RPS6KB2: variants seen among roughly 807,000 people sequenced by gnomAD.
The protein encoded by RPS6KB2 is ribosomal protein S6 kinase B2.
A neutral mutation model predicts 58.2 loss-of-function variants in RPS6KB2; 51 were observed. The observed-to-expected ratio is 0.88, with a 90% CI of 0.70 to 1.11. The LOEUF (loss-of-function observed/expected upper bound fraction) is 1.11, where lower values mean the gene tolerates loss of function less well. RPS6KB2 is among the 50% of genes least tolerant of loss of function. The probability of loss-of-function intolerance (pLI) is 0.00; values close to 1 mark genes in which losing one functional copy is unlikely to be tolerated. For missense variants in RPS6KB2, 671 were observed against 655.8 expected, an observed-to-expected ratio of 1.02 and a Z score of -0.25; for synonymous variants, 293 against 258.6, an observed-to-expected ratio of 1.13 and a Z score of -1.28.
chr11:67,429,275 G>T (rs1364956770), intron 3 of RPS6KB2, 35 bp downstream of exon 3: 11 of 1,609,290 alleles, frequency 6.8e-6, no homozygotes, highest in Non-Finnish European at 8.5e-6. Context: ...TGGCCTCACA[G>T]CCTCCATCTG....
Position 67,433,439 on chromosome 11 carries a change from G to C in RPS6KB2, c.898G>C (p.Val300Leu). Residue 300 changes from valine to leucine, a missense_variant, in exon 10 of 15, where the codon GTC becomes CTC. Coordinates refer to ENST00000312629, the MANE Select transcript of RPS6KB2 (RefSeq NM_003952.3). ...CCTCACCCCAGATGCCCGGGACCTT[G>C]TCAAAAAGGTGCAGCTCCCTTCTCT... ...PYLTPDARDL[V>L]KKFLKRNPSQ... 4 of 1,610,312 alleles carry C rather than the reference G, an allele frequency of 2.5e-6. No homozygotes were observed. Among genetic ancestry groups the C allele is most frequent in the Non-Finnish European group, 3.4e-6 (4 of 1,176,690 alleles).
At chr11:67,432,928 C>G (rs369162339) in intron 7 of RPS6KB2, 24 bp from the exon 8 acceptor site, 1 of 1,612,030 alleles carries the variant, frequency 6.2e-7, no homozygotes, top group Non-Finnish European at 8.5e-7. Flanking sequence ...GCCCTGGTCA[C>G]GCCTCTCCAA....
At chr11:67,429,644 C>T in intron 4 of RPS6KB2, 49 bp downstream of exon 4, 6 of 1,422,628 alleles carry the variant, frequency 4.2e-6, no homozygotes, top group Non-Finnish European at 5.9e-6. Flanking sequence ...CCATTCCCAA[C>T]ATGCTGTACC....
chr11:67,431,348 A>G lies in RPS6KB2; in HGVS notation c.310-20A>G, dbSNP rs376691226. ...CCCAGCCTGGATGCCTCAGTTTCTA[A>G]CCAATTCCTGTATCTCCAGGCCAAA... On this transcript the variant is annotated intron_variant, in intron 4 of 14. Coordinates refer to ENST00000312629, the MANE Select transcript of RPS6KB2 (RefSeq NM_003952.3). 3 of 1,611,780 alleles carry G rather than the reference A, an allele frequency of 1.9e-6. No homozygotes were observed. The highest frequency in any genetic ancestry group is 1.3e-5 in the African/African-American group (1 of 74,850).
Position 67,435,013 on chromosome 11 carries a change from G to A in RPS6KB2, c.1293G>A (p.Glu431=). The change falls in exon 15 of 15, where the codon GAG becomes GAA. Residue 431 remains glutamate, a synonymous_variant. Transcript: ENST00000312629. ...PVSPLKFSPF[E]GFRPSPSLPE... is the part of the protein sequence containing the mutation. ...GCCCCCTCAAGTTCTCCCCTTTTGAGGGGTTTCGGCCCAGCCCCAGCCTGC... is the reference window on the plus strand; with the variant it reads ...GCCCCCTCAAGTTCTCCCCTTTTGAAGGGTTTCGGCCCAGCCCCAGCCTGC... 1 of 1,613,562 alleles carries A rather than the reference G, an allele frequency of 6.2e-7. No individual in the cohort carries two copies. Among genetic ancestry groups the A allele is most frequent in the Non-Finnish European group, 8.5e-7 (1 of 1,179,850 alleles).
Position 67,428,516 on chromosome 11 carries a change from G to T in RPS6KB2, c.-30G>T. 5 of 1,588,618 alleles carry T rather than the reference G, an allele frequency of 3.1e-6. No homozygotes were observed. Among genetic ancestry groups the T allele is most frequent in the Non-Finnish European group, 4.3e-6 (5 of 1,166,128 alleles). ...GTCAGTCAGTGCGCGGCCAGGTACG[G>T]GCCGACGGGCCCGCGGGGCCGGCGC... On this transcript the variant is annotated 5_prime_UTR_variant, in exon 1 of 15. Coordinates refer to ENST00000312629, the MANE Select transcript of RPS6KB2 (RefSeq NM_003952.3).
intron 5 of RPS6KB2, chr11:67,432,184 ATC>A: frequency 4.9e-6 from 2 of 404,500 alleles, no homozygotes; most frequent in Non-Finnish European, 9.8e-6. Context: ...CGCTCCGTCC[ATC>A]TCAGCATCCC....
Position 67,429,118 on chromosome 11 carries a change from A to G in RPS6KB2, c.120-2A>G. The G allele has an allele frequency of 6.2e-7, 1 of 1,613,948 alleles. No homozygotes were observed. The highest frequency in any genetic ancestry group is 8.5e-7 in the Non-Finnish European group (1 of 1,180,020). On this transcript the variant is annotated splice_acceptor_variant, in intron 2 of 14. Coordinates refer to ENST00000312629, the MANE Select transcript of RPS6KB2 (RefSeq NM_003952.3). LOFTEE classifies it high-confidence loss of function. Reference sequence around the variant, plus strand: ...GTCCTCATTAACTCCTTGTGTCCGTAGGCCTGTGGGACACTATGAAGAGGT... The same window carrying G: ...GTCCTCATTAACTCCTTGTGTCCGTGGGCCTGTGGGACACTATGAAGAGGT...
intron 5 of RPS6KB2, 133 bp downstream of exon 5, chr11:67,431,648 C>T: frequency 1.5e-6 from 1 of 649,628 alleles, no homozygotes; most frequent in South Asian, 1.9e-5. Flanking sequence ...TCTGTCCTAC[C>T]CATCCATCCA....
intron 4 of RPS6KB2, 49 bp downstream of exon 4, chr11:67,429,644 C>G: frequency 7.0e-7 from 1 of 1,422,628 alleles, no homozygotes; most frequent in East Asian, 2.3e-5. Context: ...CCATTCCCAA[C>G]ATGCTGTACC....
Position 67,432,747 on chromosome 11 carries a change from G to A in RPS6KB2, c.526G>A (p.Ala176Thr). The A allele has an allele frequency of 6.2e-7, 1 of 1,614,132 alleles. No individual in the cohort carries two copies. The highest frequency in any genetic ancestry group is 1.1e-5 in the South Asian group (1 of 91,090). The change falls in exon 7 of 15, where the codon GCT (alanine) becomes ACT (threonine). Residue 176 changes from alanine (A) to threonine (T), a missense_variant. Transcript: ENST00000312629. The stretch of plus-strand genomic sequence containing the variant: ...GTCTTGTTTCTGCAGCTTCTACCTG[G>A]CTGAGATCACGCTGGCCCTGGGCCA... ...FLEDTACFYLAEITLALGHLH... is the reference protein window; with the variant it reads ...FLEDTACFYLTEITLALGHLH...
At chr11:67,433,305 C>T in intron 9 of RPS6KB2, 35 bp from the exon 10 acceptor site, 1 of 1,602,594 alleles carries the variant, frequency 6.2e-7, no homozygotes, top group Non-Finnish European at 8.5e-7. Flanking sequence ...TGGTGGGAGG[C>T]CCACAAGGCT....
intron 10 of RPS6KB2, 125 bp from the exon 11 acceptor site, chr11:67,433,870 G>A: frequency 1.9e-6 from 2 of 1,039,224 alleles, no homozygotes; most frequent in Non-Finnish European, 1.5e-6. Flanking sequence ...GGTATCCATA[G>A]GTGGGAGCCA....
Position 67,433,487 on chromosome 11 carries a change from A to G in RPS6KB2, c.906+40A>G, listed in dbSNP as rs759942985. The G allele has an allele frequency of 3.5e-6, 5 of 1,445,814 alleles. No individual in the cohort carries two copies. In the Admixed American group the frequency reaches 8.4e-5, roughly 24 times the overall value. 89.6% of individuals were successfully genotyped at this position (1,445,814 alleles called of 1,614,324 possible). A position where few individuals can be genotyped will look rare whatever the true frequency, so the allele number is the denominator to read the frequency against. On this transcript the variant is annotated intron_variant, in intron 10 of 14. Coordinates refer to ENST00000312629, the MANE Select transcript of RPS6KB2 (RefSeq NM_003952.3). ...TCTCTTCTCCGGGGCCCTGCCAGCCATTCTGCACGTGTTCCTGAGTCTCTC... is the reference window on the plus strand; with the variant it reads ...TCTCTTCTCCGGGGCCCTGCCAGCCGTTCTGCACGTGTTCCTGAGTCTCTC...
At position 67,433,327 on chromosome 11, in the gene RPS6KB2, C is replaced by T; in HGVS notation, c.799-13C>T. 2.5e-6 allele frequency: 4 copies of T among 1,609,068 alleles called. No individual in the cohort carries two copies. The highest frequency in any genetic ancestry group is 2.2e-5 in the South Asian group (2 of 91,010). On this transcript the variant is annotated splice_polypyrimidine_tract_variant and intron_variant, in intron 9 of 14. Transcript: ENST00000312629. Reference sequence around the variant, plus strand: ...AGGCCCACAAGGCTCCTCTCACCTTCCTCCTCCTCCAGCCGCCCTTCACCG... The same window carrying T: ...AGGCCCACAAGGCTCCTCTCACCTTTCTCCTCCTCCAGCCGCCCTTCACCG...
In RPS6KB2 at chr11:67,433,435, C is replaced by T; in HGVS notation, c.894C>T (p.Asp298=). The stretch of plus-strand genomic sequence containing the variant: ...CCTACCTCACCCCAGATGCCCGGGA[C>T]CTTGTCAAAAAGGTGCAGCTCCCTT... The part of the protein sequence containing the change: ...LPPYLTPDAR[D]LVKKFLKRNP... The change falls in exon 10 of 15, where the codon GAC becomes GAT. Residue 298 remains aspartate, a synonymous_variant. Transcript: ENST00000312629. 1.2e-6 allele frequency: 2 copies of T among 1,612,446 alleles called. No homozygotes were observed. Among genetic ancestry groups the T allele is most frequent in the Non-Finnish European group, 1.7e-6 (2 of 1,178,622 alleles).
At position 67,433,321 on chromosome 11, in the gene RPS6KB2, C is replaced by G; in HGVS notation, c.799-19C>G. 6.2e-7 allele frequency: 1 copy of G among 1,610,626 alleles called. No homozygotes were observed. The highest frequency in any genetic ancestry group is 8.5e-7 in the Non-Finnish European group (1 of 1,177,258). ...GGTGGGAGGCCCACAAGGCTCCTCTCACCTTCCTCCTCCTCCAGCCGCCCT... is the reference window on the plus strand; with the variant it reads ...GGTGGGAGGCCCACAAGGCTCCTCTGACCTTCCTCCTCCTCCAGCCGCCCT... On this transcript the variant is annotated intron_variant, in intron 9 of 14. Coordinates refer to ENST00000312629, the MANE Select transcript of RPS6KB2 (RefSeq NM_003952.3).
In RPS6KB2 at chr11:67,433,201, C is replaced by T; in HGVS notation, c.783C>T (p.Asp261=). 2 of 1,606,618 alleles carry T rather than the reference C, an allele frequency of 1.2e-6. No homozygotes were observed. The highest frequency in any genetic ancestry group is 1.7e-6 in the Non-Finnish European group (2 of 1,178,904). The change falls in exon 9 of 15, where the codon GAC becomes GAT. Residue 261 remains aspartate, a synonymous_variant. Coordinates refer to ENST00000312629, the MANE Select transcript of RPS6KB2 (RefSeq NM_003952.3). ...GGAGCCTGGGGGCCCTGATGTACGA[C>T]ATGCTCACTGGATCGGCAAGTCCAG... is the stretch of plus-strand genomic sequence containing the variant. ...DWWSLGALMY[D]MLTGSPPFTA...
intron 4 of RPS6KB2, 146 bp from the exon 5 acceptor site, chr11:67,431,222 G>T (rs1864009893): frequency 3.0e-6 from 2 of 659,294 alleles, no homozygotes; most frequent in Admixed American, 2.8e-5. Flanking sequence ...TAGAGATGGG[G>T]TTTCACCATG....
Sources: allele counts gnomAD v4.1 joint callset, GRCh38; gene constraint gnomAD v4.1.1; transcripts MANE v1.5; gene names NCBI Gene and HGNC (gene_info 2026-07-23, HGNC 2026-07-21).